NRAP: variants seen among roughly 807,000 people sequenced by gnomAD.
NRAP encodes nebulin-related-anchoring protein.
Under a neutral mutation model 225.9 loss-of-function variants are expected in NRAP, and 189 were observed. That is an observed-to-expected ratio of 0.84 (90% CI 0.74 to 0.94). The LOEUF (loss-of-function observed/expected upper bound fraction) is 0.94. Among genes scored for constraint, NRAP ranks in the 40% least tolerant of loss-of-function variants. NRAP has a pLI of 0.00. For synonymous variants in NRAP, 769 were observed against 790.7 expected, an observed-to-expected ratio of 0.97 and a Z score of 0.46; for missense variants, 2,176 against 2,168.7, an observed-to-expected ratio of 1.00 and a Z score of -0.07.
chr10:113,588,768 C>A lies in NRAP; in HGVS notation c.*207G>T. ...CCTCAGCCCAGACACTCGAGGCACT[C>A]AACAGAATCAGCCATCCACGTCTAG... On this transcript the variant is annotated 3_prime_UTR_variant, in exon 42 of 42. Coordinates refer to ENST00000359988, the MANE Select transcript of NRAP (RefSeq NM_198060.4). 1 of 581,988 alleles carries A rather than the reference C, an allele frequency of 1.7e-6. No homozygotes were observed. The allele number at this position is 581,988 out of a possible 1,614,324, so 36.1% of individuals were successfully genotyped here.
chr10:113,600,658 C>G (rs148658414), intron 35 of NRAP, among the ~76,000 whole-genome samples: 54 of 152,204 alleles, frequency 3.5e-4, no homozygotes, highest in Non-Finnish European at 7.4e-4. Context: ...GAGACTGAAC[C>G]AGGAGTTAAG....
chr10:113,641,293 A>T (rs1849186673), intron 13 of NRAP, 72 bp downstream of exon 13: 3 of 900,380 alleles, frequency 3.3e-6, no homozygotes, highest in Admixed American at 2.3e-5. Context: ...AGGGGAATTT[A>T]AAAAGAATTG....
chr10:113,590,220 A>G (rs1182932157), intron 40 of NRAP, among the ~76,000 whole-genome samples: 1 of 152,160 alleles, frequency 6.6e-6, no homozygotes, highest in Non-Finnish European at 1.5e-5. Flanking sequence ...CCTCACAGCA[A>G]ACCAAAAGGG....
chr10:113,633,995 TAATAA>T (rs1848716197), intron 15 of NRAP, 112 bp downstream of exon 15: 2 of 715,346 alleles, frequency 2.8e-6, no homozygotes. Context: ...TTTCTGGCTG[TAATAA>T]GACATGTGTC....
chr10:113,643,067 T>G (rs757490736), intron 11 of NRAP, 29 bp from the exon 12 acceptor site: 3 of 1,093,288 alleles, frequency 2.7e-6, no homozygotes, highest in East Asian at 2.4e-5. Context: ...AGACACACAA[T>G]AGAACCAAAT....
At chr10:113,594,810 G>A (rs924892950) in intron 38 of NRAP, among the ~76,000 whole-genome samples, 9 of 152,232 alleles carry the variant, frequency 5.9e-5, no homozygotes, top group Non-Finnish European at 1.3e-4. Flanking sequence ...CCTCTGGGGT[G>A]AACGGTAGCA....
intron 12 of NRAP, 114 bp downstream of exon 12, chr10:113,642,820 G>T (rs776700993): frequency 7.8e-6 from 5 of 643,496 alleles, no homozygotes; most frequent in Non-Finnish European, 1.1e-5. Context: ...ATGCCTAAAA[G>T]GCCATGCTTC....
chr10:113,599,677 T>C (rs149533610), intron 35 of NRAP, among the ~76,000 whole-genome samples: 1 of 152,320 alleles, frequency 6.6e-6, no homozygotes, highest in East Asian at 1.9e-4. Flanking sequence ...CTTTGACTAT[T>C]CACGCAGACC....
chr10:113,648,467 C>CTCTCTCTCTCTCTATA (rs749486311), intron 9 of NRAP, among the ~76,000 whole-genome samples: 82 of 87,370 alleles, frequency 9.4e-4, no homozygotes, highest in East Asian at 2.7e-3. Flanking sequence ...CTCTCTCTCT[C>CTCTCTCTCTCTCTATA]TATATATATA....
At chr10:113,627,708 C>T (rs912415289) in intron 20 of NRAP, among the ~76,000 whole-genome samples, 1 of 152,210 alleles carries the variant, frequency 6.6e-6, no homozygotes, top group Non-Finnish European at 1.5e-5. Context: ...AATACTGTCT[C>T]ATGGTCAAGA....
At chr10:113,657,280 G>C (rs1850365412) in intron 4 of NRAP, among the ~76,000 whole-genome samples, 190 bp downstream of exon 4, 1 of 152,168 alleles carries the variant, frequency 6.6e-6, no homozygotes, top group South Asian at 2.1e-4. Context: ...CAATGAACCT[G>C]GTCTGGGGAA....
chr10:113,597,856 G>A (rs1846371357), intron 36 of NRAP, 113 bp downstream of exon 36: 2 of 772,774 alleles, frequency 2.6e-6, no homozygotes, highest in Middle Eastern at 3.3e-4. Context: ...AAAATACTGG[G>A]AGTCCAGTGG....
chr10:113,621,841 C>A, intron 24 of NRAP, 28 bp downstream of exon 24: 1 of 1,578,542 alleles, frequency 6.3e-7, no homozygotes, highest in Non-Finnish European at 8.6e-7. Flanking sequence ...CATACACACA[C>A]AAGTGCACAC....
Position 113,631,696 on chromosome 10 carries a change from C to T in NRAP, c.1741-86G>A, listed in dbSNP as rs183884821. ...CTGGTTTTAACAAGTGCAAGGGGAA[C>T]AATTCTGAAAAAACACCTCCCAGTC... On this transcript the variant is annotated intron_variant, in intron 17 of 41. Coordinates refer to ENST00000359988, the MANE Select transcript of NRAP (RefSeq NM_198060.4). 9 of 974,628 alleles carry T rather than the reference C, an allele frequency of 9.2e-6. No individual in the cohort carries two copies. The East Asian group carries it at 1.5e-4, about 16-fold the overall frequency. 60.4% of individuals were successfully genotyped at this position (974,628 alleles called of 1,614,324 possible).
At chr10:113,607,000 C>T (rs951636251) in intron 32 of NRAP, among the ~76,000 whole-genome samples, 1 of 151,890 alleles carries the variant, frequency 6.6e-6, no homozygotes, top group South Asian at 2.1e-4. Flanking sequence ...GTCAGGAGTT[C>T]GAGACCAGCC....
Position 113,634,099 on chromosome 10 carries a change from G to C in NRAP, c.1527+13C>G. ...AGACCCCTACATCCAGCTGGGCAGG[G>C]ACAGTTACTTACATGACTCAGCTGC... is the stretch of plus-strand genomic sequence containing the variant. On this transcript the variant is annotated intron_variant, in intron 15 of 41. Coordinates refer to ENST00000359988, the MANE Select transcript of NRAP (RefSeq NM_198060.4). 1 of 1,585,632 alleles carries C rather than the reference G, an allele frequency of 6.3e-7. No individual in the cohort carries two copies. Among genetic ancestry groups the C allele is most frequent in the Non-Finnish European group, 8.7e-7 (1 of 1,154,090 alleles).
intron 22 of NRAP, among the ~76,000 whole-genome samples, chr10:113,623,914 C>T (rs1460400172): frequency 6.6e-6 from 1 of 152,088 alleles, no homozygotes; most frequent in African/African-American, 2.4e-5. Flanking sequence ...AAAAACATGC[C>T]AAAGGCAGGA....
Position 113,605,826 on chromosome 10 carries a change from T to A in NRAP, c.3851A>T (p.Tyr1284Phe). The A allele has an allele frequency of 3.7e-6, 6 of 1,614,194 alleles. No individual in the cohort carries two copies. The highest frequency in any genetic ancestry group is 5.1e-6 in the Non-Finnish European group (6 of 1,180,010). ...GGGGAGCGCTTCTATTGTCAGCTTGTAGCCTTGAGCACGAAGATTACGCCA... is the reference window on the plus strand; with the variant it reads ...GGGGAGCGCTTCTATTGTCAGCTTGAAGCCTTGAGCACGAAGATTACGCCA... ...ESWRNLRAQG[Y>F]KLTIEALPFQ... Residue 1284 changes from tyrosine to phenylalanine, a missense_variant, in exon 34 of 42, where the codon TAC becomes TTC. Tyr to Phe is a conservative substitution (Grantham distance 22). Around this residue, in one of 3 missense-constraint regions of NRAP, gnomAD observed 1,708 missense variants for 1,695.5 expected, o/e 1.01. Coordinates refer to ENST00000359988, the MANE Select transcript of NRAP (RefSeq NM_198060.4).
At position 113,589,059 on chromosome 10, in the gene NRAP, C is replaced by T. The variant is rs753029613; in HGVS notation, c.5109G>A (p.Glu1703=). 1.9e-6 allele frequency: 3 copies of T among 1,613,878 alleles called. No individual in the cohort carries two copies. The highest frequency in any genetic ancestry group is 1.7e-6 in the Non-Finnish European group (2 of 1,179,972). The change falls in exon 42 of 42, where the codon GAG becomes GAA. Residue 1703 remains glutamate (E), a synonymous_variant. Transcript: ENST00000359988. ...CCTCCCCACTCTGATGATCTCCAGC[C>T]TCCACTGCTTCTGCCCCCCGCTGCT... ...QGAYRGAEAV[E]AGDHQSGEVN... is the part of the protein sequence containing the mutation.
Sources: allele counts gnomAD v4.1 joint callset (sites outside exome capture counted in the v4.1 genomes callset), GRCh38; gene constraint gnomAD v4.1.1; regional missense constraint gnomAD v4.1.1; transcripts MANE v1.5; gene names NCBI Gene and HGNC (gene_info 2026-07-23, HGNC 2026-07-21).